CHMP4B: variants seen among roughly 807,000 people sequenced by gnomAD.
CHMP4B encodes SNF7 homolog associated with Alix 1.
Under a neutral mutation model 25.1 loss-of-function variants are expected in CHMP4B, and 1 was observed. The ratio of observed to expected loss-of-function variants is 0.04; its 90% confidence interval spans 0.01 to 0.19. The LOEUF (loss-of-function observed/expected upper bound fraction) is 0.19, where lower values mean the gene tolerates loss of function less well. Among genes scored for constraint, CHMP4B ranks in the 10% least tolerant of loss-of-function variants. CHMP4B has a pLI of 1.00. For missense variants in CHMP4B, 151 were observed against 289.7 expected, an observed-to-expected ratio of 0.52 and a Z score of 3.48; for synonymous variants, 101 against 115.6, an observed-to-expected ratio of 0.87 and a Z score of 0.81.
At chr20:33,845,078 C>T (rs528083830) in intron 1 of CHMP4B, among the ~76,000 whole-genome samples, 5 of 151,974 alleles carry the variant, frequency 3.3e-5, no homozygotes, top group South Asian at 2.1e-4. Context: ...CTCTTATGAA[C>T]GGTCTCAGAG....
intron 4 of CHMP4B, among the ~76,000 whole-genome samples, chr20:33,852,405 T>G (rs1488126360): frequency 6.6e-6 from 1 of 151,068 alleles, no homozygotes; most frequent in Non-Finnish European, 1.5e-5. Flanking sequence ...TTTTCTGGTT[T>G]CTCTCTGGAA....
chr20:33,818,247 C>T (rs112143302), intron 1 of CHMP4B, among the ~76,000 whole-genome samples: 17 of 152,300 alleles, frequency 1.1e-4, no homozygotes, highest in African/African-American at 3.1e-4. Context: ...CACAGTTCAT[C>T]GAGGAAGACA....
chr20:33,814,547 C>T (rs768486300), intron 1 of CHMP4B, among the ~76,000 whole-genome samples: 6 of 152,106 alleles, frequency 3.9e-5, no homozygotes, highest in African/African-American at 9.7e-5. Flanking sequence ...GTGACAGTGT[C>T]GCCTCTGGAG....
intron 1 of CHMP4B, among the ~76,000 whole-genome samples, chr20:33,839,948 T>C (rs1234565675): frequency 2.0e-5 from 3 of 152,094 alleles, no homozygotes; most frequent in African/African-American, 7.2e-5. Context: ...GCATGGAAAG[T>C]ATCAATTTTT....
At chr20:33,819,777 CA>C (rs1446887721) in intron 1 of CHMP4B, among the ~76,000 whole-genome samples, 1 of 152,190 alleles carries the variant, frequency 6.6e-6, no homozygotes, top group East Asian at 1.9e-4. Flanking sequence ...TGTCTCTGAA[CA>C]ACAGCTTCTT....
chr20:33,844,371 A>C (rs1979623911), intron 1 of CHMP4B, among the ~76,000 whole-genome samples: 1 of 152,248 alleles, frequency 6.6e-6, no homozygotes, highest in Non-Finnish European at 1.5e-5. Flanking sequence ...GTAGATACTA[A>C]GCACTTACTG....
intron 1 of CHMP4B, among the ~76,000 whole-genome samples, chr20:33,833,254 C>T (rs1979304782): frequency 6.6e-6 from 1 of 152,208 alleles, no homozygotes. Context: ...CTTATCTTCT[C>T]TTCCCTGAGT....
chr20:33,853,879 G>A lies in CHMP4B; in HGVS notation c.*319G>A, dbSNP rs933919934. 7.5e-5 allele frequency: 33 copies of A among 441,672 alleles called. No homozygotes were observed. Among genetic ancestry groups the A allele is most frequent in the Non-Finnish European group, 1.1e-4 (26 of 238,246 alleles). The allele number at this position is 441,672 out of a possible 1,614,324, so 27.4% of individuals were successfully genotyped here. ...TGACTCCACTGCTGAATCCTCAATG[G>A]AAAGGGTCGACTGGTTGCAGTTGAA... is the stretch of plus-strand genomic sequence containing the variant. On this transcript the variant is annotated 3_prime_UTR_variant, in exon 5 of 5. Transcript: ENST00000217402.
Position 33,851,084 on chromosome 20 carries a change from G to T in CHMP4B, c.483+18G>T. 3 of 1,442,808 alleles carry T rather than the reference G, an allele frequency of 2.1e-6. No individual in the cohort carries two copies. Among genetic ancestry groups the T allele is most frequent in the Non-Finnish European group, 2.9e-6 (3 of 1,023,610 alleles). The allele number at this position is 1,442,808 out of a possible 1,614,324, so 89.4% of individuals were successfully genotyped here. A position where few individuals can be genotyped will look rare whatever the true frequency, so the allele number is the denominator to read the frequency against. ...TTGACGAGGTGAGTAGTTTTGTACA[G>T]ATCCCATAAGCTTCACAAATGATAC... On this transcript the variant is annotated intron_variant, in intron 3 of 4. Coordinates refer to ENST00000217402, the MANE Select transcript of CHMP4B (RefSeq NM_176812.5).
chr20:33,836,819 C>T (rs1979404838), intron 1 of CHMP4B, among the ~76,000 whole-genome samples: 1 of 152,160 alleles, frequency 6.6e-6, no homozygotes, highest in African/African-American at 2.4e-5. Flanking sequence ...TGGGTGTGAT[C>T]GTAGGGTTCA....
chr20:33,823,175 A>T lies in CHMP4B; in HGVS notation c.190+11517A>T, dbSNP rs553330532. On this transcript the variant is annotated intron_variant, in intron 1 of 4. Transcript: ENST00000217402. ...CAAAAAAAGTATCCCCAGGAAATGA[A>T]AACATTTCCCCCATCTTTGGGAAAT... Among the ~76,000 whole-genome samples the T allele has an allele frequency of 3.9e-5, 6 of 152,276 alleles. No homozygotes were observed. In the South Asian group the frequency reaches 1.2e-3, roughly 32 times the overall value.
At chr20:33,826,015 C>G (rs1979085007) in intron 1 of CHMP4B, among the ~76,000 whole-genome samples, 1 of 152,192 alleles carries the variant, frequency 6.6e-6, no homozygotes, top group African/African-American at 2.4e-5. Flanking sequence ...TGAGTGTTTA[C>G]TGTGAGAGAC....
intron 1 of CHMP4B, among the ~76,000 whole-genome samples, chr20:33,830,933 G>GTTTTTTTTT (rs55917511): frequency 1.9e-5 from 2 of 102,574 alleles, no homozygotes; most frequent in Non-Finnish European, 1.9e-5. Context: ...AAGGAACAGA[G>GTTTTTTTTT]TTTTTTTTTT....
intron 1 of CHMP4B, among the ~76,000 whole-genome samples, chr20:33,841,106 TGTG>T (rs1212171255): frequency 6.6e-6 from 1 of 152,232 alleles, no homozygotes; most frequent in Non-Finnish European, 1.5e-5. Flanking sequence ...GGTTGTTAGT[TGTG>T]GGGCTTATTT....
chr20:33,850,699 C>G (rs2122817226), intron 2 of CHMP4B, among the ~76,000 whole-genome samples: 1 of 152,306 alleles, frequency 6.6e-6, no homozygotes, highest in Middle Eastern at 3.4e-3. Flanking sequence ...GTATGTAGGA[C>G]CTTGATAGTG....
At chr20:33,849,512 CG>C (rs776085574) in intron 2 of CHMP4B, among the ~76,000 whole-genome samples, 35 of 152,226 alleles carry the variant, frequency 2.3e-4, no homozygotes, top group Admixed American at 5.2e-4. Flanking sequence ...GCAGGAGAAT[CG>C]TTTGAACCCA....
At chr20:33,836,102 T>C (rs1979385675) in intron 1 of CHMP4B, among the ~76,000 whole-genome samples, 1 of 152,252 alleles carries the variant, frequency 6.6e-6, no homozygotes, top group Admixed American at 6.5e-5. Context: ...TTTTTAAGCA[T>C]ATAGACTATA....
intron 1 of CHMP4B, among the ~76,000 whole-genome samples, chr20:33,816,192 A>C (rs1978778468): frequency 6.6e-6 from 1 of 152,170 alleles, no homozygotes; most frequent in South Asian, 2.1e-4. Flanking sequence ...ATTCTTAAGC[A>C]TGTGGCAGGC....
intron 2 of CHMP4B, among the ~76,000 whole-genome samples, chr20:33,849,608 TAAA>T (rs763302699): frequency 6.9e-6 from 1 of 144,192 alleles, no homozygotes; most frequent in African/African-American, 2.9e-5. Context: ...AATAAAAAAA[TAAA>T]AAATAAAAAA....
Sources: allele counts gnomAD v4.1 joint callset (sites outside exome capture counted in the v4.1 genomes callset), GRCh38; gene constraint gnomAD v4.1.1; transcripts MANE v1.5; gene names NCBI Gene and HGNC (gene_info 2026-07-23, HGNC 2026-07-21).